Variants in CD209 observed in about 807,000 individuals in gnomAD.
CD209 encodes the protein CD209 molecule, also known as CD209 antigen.
In CD209, 31 loss-of-function variants were observed where a neutral mutation model predicts 44.7. The observed-to-expected ratio is 0.69, with a 90% confidence interval of 0.52 to 0.94. CD209 has a LOEUF of 0.94. CD209 is among the 40% of genes least tolerant of loss of function. The probability of loss-of-function intolerance (pLI) is 0.00; values close to 1 mark genes in which losing one functional copy is unlikely to be tolerated. For synonymous variants in CD209, 173 were observed against 181.3 expected (o/e 0.95, Z 0.37); for missense variants, 407 against 452.4 (o/e 0.90, Z 0.91).
intron 6 of CD209, among the ~76,000 whole-genome samples, chr19:7,743,727 A>G (rs2146317481): frequency 6.6e-6 from 1 of 152,148 alleles, no homozygotes; most frequent in East Asian, 1.9e-4. Flanking sequence ...TCTGACTCAT[A>G]ACAGACCCTG....
chr19:7,744,847 A>AGTC lies in CD209; in HGVS notation c.900+93_900+94insGAC. 4 of 1,527,250 alleles carry AGTC rather than the reference A, an allele frequency of 2.6e-6. No individual in the cohort carries two copies. The East Asian group carries it at 9.0e-5, about 34-fold the overall frequency. The allele number at this position is 1,527,250 out of a possible 1,614,324, so 94.6% of individuals were successfully genotyped here. On this transcript the variant is annotated intron_variant, in intron 5 of 6. Coordinates refer to ENST00000315599, the MANE Select transcript of CD209 (RefSeq NM_021155.4). ...CCTCCCTTCTTTCCAAGTGGAGCAA[A>AGTC]ACCCCTCTTCTGCAAAGTCATCTCT...
chr19:7,747,455 C>T lies in CD209; in HGVS notation c.46+11G>A, dbSNP rs751880063. 1 of 1,614,244 alleles carries T rather than the reference C, an allele frequency of 6.2e-7. No individual in the cohort carries two copies. Among genetic ancestry groups the T allele is most frequent in the Non-Finnish European group, 8.5e-7 (1 of 1,180,042 alleles). ...CCTTCCCAGAATCCCAGCGTCCCAA[C>T]CCAGCCTCACCCAGGAGGCCCAGCT... On this transcript the variant is annotated intron_variant, in intron 1 of 6. Coordinates refer to ENST00000315599, the MANE Select transcript of CD209 (RefSeq NM_021155.4).
Position 7,742,824 on chromosome 19 carries a change from C to G in CD209, c.*215G>C, listed in dbSNP as rs891096939. 11 of 591,610 alleles carry G rather than the reference C, an allele frequency of 1.9e-5. No individual in the cohort carries two copies. Among genetic ancestry groups the G allele is most frequent in the Non-Finnish European group, 3.0e-5 (10 of 332,390 alleles). 36.6% of individuals were successfully genotyped at this position (591,610 alleles called of 1,614,324 possible). A position where few individuals can be genotyped will look rare whatever the true frequency, so the allele number is the denominator to read the frequency against. ...GGATTCTTGGAACACAAGTCCACCC[C>G]CAAAGGCATCCCACACCAGCTCACT... is the stretch of plus-strand genomic sequence containing the variant. On this transcript the variant is annotated 3_prime_UTR_variant, in exon 7 of 7. Transcript: ENST00000315599.
rs190106388 is a variant in CD209, at chr19:7,741,254, G to A, written c.*1785C>T. On this transcript the variant is annotated 3_prime_UTR_variant, in exon 7 of 7. Coordinates refer to ENST00000315599, the MANE Select transcript of CD209 (RefSeq NM_021155.4). ...TGGGAGGACGCGGCGGGCGAATCACGAGGTCAAGAGATCGAGACCATCCTG... is the reference window on the plus strand; with the variant it reads ...TGGGAGGACGCGGCGGGCGAATCACAAGGTCAAGAGATCGAGACCATCCTG... 3.0e-5 allele frequency: 14 copies of A among 474,458 alleles called. No homozygotes were observed. Among genetic ancestry groups the A allele is most frequent in the African/African-American group, 1.2e-4 (6 of 50,056 alleles). 29.4% of individuals were successfully genotyped at this position (474,458 alleles called of 1,614,324 possible).
rs1234750850 is a variant in CD209 at position 7,745,041 on chromosome 19, C to T, written c.800G>A (p.Cys267Tyr). 1 of 1,614,214 alleles carries T rather than the reference C, an allele frequency of 6.2e-7. No homozygotes were observed. Among genetic ancestry groups the T allele is most frequent in the Non-Finnish European group, 8.5e-7 (1 of 1,180,044 alleles). Reference sequence around the variant, plus strand: ...CCGCTGGGAGTTAGACATGAAGTAACAGTTTCCTTGGAAGAATGTCCATTC... The same window carrying T: ...CCGCTGGGAGTTAGACATGAAGTAATAGTTTCCTTGGAAGAATGTCCATTC... ...PWEWTFFQGN[C>Y]YFMSNSQRNW... Residue 267 changes from cysteine (C) to tyrosine (Y), a missense_variant, in exon 5 of 7, where the codon TGT becomes TAT. This residue lies in a region of CD209 where 200 missense variants were observed against 202.2 expected (regional missense o/e 0.99). Transcript: ENST00000315599.
chr19:7,746,474 C>T lies in CD209; in HGVS notation c.164G>A (p.Gly55Glu), dbSNP rs2033828644. Reference sequence around the variant, plus strand: ...CTGCCCCTGACCTTGGACAAGGAGCCCAGCCAAGAGCGTGAAGGAGAGGAG... The same window carrying T: ...CTGCCCCTGACCTTGGACAAGGAGCTCAGCCAAGAGCGTGAAGGAGAGGAG... ...LQLLSFTLLA[G>E]LLVQVSKVPS... The change falls in exon 3 of 7, where the codon GGG becomes GAG. Residue 55 changes from glycine (G) to glutamate (E), a missense_variant. Physicochemically the swap from Gly to Glu is moderately conservative, Grantham distance 98. This residue lies in a region of CD209 where 122 missense variants were observed against 110.3 expected (regional missense o/e 1.11). Transcript: ENST00000315599. The T allele has an allele frequency of 6.2e-7, 1 of 1,613,428 alleles. No individual in the cohort carries two copies. Among genetic ancestry groups the T allele is most frequent in the Non-Finnish European group, 8.5e-7 (1 of 1,179,618 alleles).
chr19:7,747,118 C>T (rs558835747), intron 2 of CD209, among the ~76,000 whole-genome samples, 188 bp downstream of exon 2: 5 of 151,934 alleles, frequency 3.3e-5, no homozygotes, highest in Admixed American at 1.3e-4. Context: ...GAGTCTTGGC[C>T]CCAGCCTCCA....
Position 7,746,031 on chromosome 19 carries a change from G to T in CD209, c.235C>A (p.Gln79Lys). 13 of 1,614,252 alleles carry T rather than the reference G, an allele frequency of 8.1e-6. No homozygotes were observed. Among genetic ancestry groups the T allele is most frequent in the Non-Finnish European group, 1.1e-5 (13 of 1,180,042 alleles). The stretch of plus-strand genomic sequence containing the variant: ...GCAGCTTTAAGCTGGGTCAGGTTCT[G>T]GTAGATCGCGTCTTGCCTGGATTGT... ...QEQSRQDAIY[Q>K]NLTQLKAAVG... The change falls in exon 4 of 7, where the codon CAG becomes AAG. Residue 79 changes from glutamine to lysine, a missense_variant. Gln to Lys is a moderately conservative substitution (Grantham distance 53). Coordinates refer to ENST00000315599, the MANE Select transcript of CD209 (RefSeq NM_021155.4).
chr19:7,745,129 A>G (rs759228474), intron 4 of CD209, 37 bp from the exon 5 acceptor site: 4 of 1,612,380 alleles, frequency 2.5e-6, no homozygotes, highest in South Asian at 1.1e-5. Context: ...GGCTTAGATT[A>G]GGTTGTCCAT....
Position 7,747,492 on chromosome 19 carries a change from G to T in CD209, c.20C>A (p.Pro7Gln), listed in dbSNP as rs879422136. ...CAGGAGGCCCAGCTGCTGCAGTCTT[G>T]GTTCCTTGGAGTCACTCATGTCACC... MSDSKE[P>Q]RLQQLGLLEE... The change falls in exon 1 of 7, where the codon CCA (proline) becomes CAA (glutamine). Residue 7 changes from proline (P) to glutamine (Q), a missense_variant. Pro to Gln is a moderately conservative substitution (Grantham distance 76, BLOSUM62 -1). This residue lies in a region of CD209 where 122 missense variants were observed against 110.3 expected (regional missense o/e 1.11). Coordinates refer to ENST00000315599, the MANE Select transcript of CD209 (RefSeq NM_021155.4). 8.7e-6 allele frequency: 14 copies of T among 1,614,044 alleles called. No homozygotes were observed. The highest frequency in any genetic ancestry group is 1.1e-5 in the Non-Finnish European group (13 of 1,180,040).
intron 2 of CD209, 65 bp from the exon 3 acceptor site, chr19:7,746,596 G>A (rs1289984694): frequency 6.5e-7 from 1 of 1,537,164 alleles, no homozygotes; most frequent in Non-Finnish European, 9.0e-7. Context: ...GGGAGAGCCT[G>A]GTCTAAATCC....
chr19:7,740,630 G>C lies in CD209; in HGVS notation c.*2409C>G. 1 of 788,138 alleles carries C rather than the reference G, an allele frequency of 1.3e-6. No homozygotes were observed. The highest frequency in any genetic ancestry group is 2.4e-5 in the East Asian group (1 of 41,116). 48.8% of individuals were successfully genotyped at this position (788,138 alleles called of 1,614,324 possible). A position where few individuals can be genotyped will look rare whatever the true frequency, so the allele number is the denominator to read the frequency against. ...TTATTGAAAAACAACAACTAGAAAA[G>C]CTATGGGGAAGAGAGAGGCAAAGAT... On this transcript the variant is annotated 3_prime_UTR_variant, in exon 7 of 7. Coordinates refer to ENST00000315599, the MANE Select transcript of CD209 (RefSeq NM_021155.4).
At chr19:7,747,043 C>T (rs550647118) in intron 2 of CD209, among the ~76,000 whole-genome samples, 163 of 150,786 alleles carry the variant, frequency 1.1e-3, no homozygotes, top group African/African-American at 3.5e-3. Flanking sequence ...GGAGTCTAGG[C>T]CCCTGACCCC....
intron 6 of CD209, 33 bp from the exon 7 acceptor site, chr19:7,743,273 C>G: frequency 6.3e-7 from 1 of 1,575,112 alleles, no homozygotes; most frequent in Non-Finnish European, 8.7e-7. Flanking sequence ...GAGCCTCTGT[C>G]CCCGCCAGCT....
Position 7,744,103 on chromosome 19 carries a change from C to T in CD209, c.1013+4G>A, listed in dbSNP as rs1395450058. On this transcript the variant is annotated splice_donor_region_variant and intron_variant, in intron 6 of 6. Coordinates refer to ENST00000315599, the MANE Select transcript of CD209 (RefSeq NM_021155.4). ...GTGGATAGGGTGCCCCTTCTGAGAT[C>T]TACCTGGGCAACAGAGGTGAGCCGT... 6.2e-7 allele frequency: 1 copy of T among 1,609,360 alleles called. No individual in the cohort carries two copies. Among genetic ancestry groups the T allele is most frequent in the Non-Finnish European group, 8.5e-7 (1 of 1,175,654 alleles).
chr19:7,744,808 A>T, intron 5 of CD209, 133 bp downstream of exon 5: 1 of 1,270,656 alleles, frequency 7.9e-7, no homozygotes, highest in Non-Finnish European at 1.1e-6. Context: ...AGACTCCCTC[A>T]TTCATATCCT....
Position 7,742,800 on chromosome 19 carries a change from G to C in CD209, c.*239C>G. 1 of 575,752 alleles carries C rather than the reference G, an allele frequency of 1.7e-6. No individual in the cohort carries two copies. The highest frequency in any genetic ancestry group is 3.1e-6 in the Non-Finnish European group (1 of 322,436). 35.7% of individuals were successfully genotyped at this position (575,752 alleles called of 1,614,324 possible). ...TAATCTCCAAAAGGAAGAGAGAGTG[G>C]ATTCTTGGAACACAAGTCCACCCCC... On this transcript the variant is annotated 3_prime_UTR_variant, in exon 7 of 7. Transcript: ENST00000315599.
Position 7,747,316 on chromosome 19 carries a change from C to T in CD209, c.96G>A (p.Lys32=). ...GLGFRQTRGY[K]SLAGCLGHGP... is the part of the protein sequence containing the mutation. ...CTAAGTCCTCTCTACCTGCTAAGCT[C>T]TTGTATCCTCGAGTCTGTCGGAATC... Residue 32 remains lysine, a synonymous_variant, in exon 2 of 7, where the codon AAG becomes AAA. Transcript: ENST00000315599. 6.2e-7 allele frequency: 1 copy of T among 1,614,252 alleles called. No homozygotes were observed. Among genetic ancestry groups the T allele is most frequent in the Non-Finnish European group, 8.5e-7 (1 of 1,180,046 alleles).
intron 5 of CD209, 114 bp downstream of exon 5, chr19:7,744,827 C>T (rs2033745252): frequency 7.0e-7 from 1 of 1,430,324 alleles, no homozygotes; most frequent in South Asian, 1.3e-5. Flanking sequence ...CTTCTCCTCC[C>T]TTCTTTCCAA....
Sources: gnomAD v4.1 joint callset for allele counts (sites outside exome capture counted in the v4.1 genomes callset) on GRCh38, gnomAD v4.1.1 for gene constraint, gnomAD v4.1.1 regional missense constraint, MANE v1.5 for transcripts, NCBI Gene and HGNC (gene_info 2026-07-23, HGNC 2026-07-21) for gene names.